EYS: variants seen among roughly 807,000 people sequenced by gnomAD.
EYS encodes protein eyes shut homolog.
Under a neutral mutation model 282.1 loss-of-function variants are expected in EYS, and 250 were observed. The ratio of observed to expected loss-of-function variants is 0.89; its 90% CI spans 0.80 to 0.98. The LOEUF (loss-of-function observed/expected upper bound fraction) is 0.98. EYS is among the 50% of genes least tolerant of loss of function. EYS has a pLI of 0.00. For missense variants in EYS, 4,016 were observed against 3,709.0 expected, an observed-to-expected ratio of 1.08 and a Z score of -2.15; for synonymous variants, 1,355 against 1,282.9, an observed-to-expected ratio of 1.06 and a Z score of -1.20.
intron 10 of EYS, among the ~76,000 whole-genome samples, chr6:65,335,484 G>T (rs1769953592): frequency 6.6e-6 from 1 of 151,712 alleles, no homozygotes; most frequent in Non-Finnish European, 1.5e-5. Flanking sequence ...TTTCTGATAA[G>T]CAATTGTAGG....
intron 31 of EYS, among the ~76,000 whole-genome samples, chr6:64,230,269 T>A (rs1173868895): frequency 6.6e-6 from 1 of 152,180 alleles, no homozygotes; most frequent in Non-Finnish European, 1.5e-5. Flanking sequence ...AACCTAATTG[T>A]CTCTGTGGAA....
intron 31 of EYS, among the ~76,000 whole-genome samples, chr6:64,167,528 T>G (rs1182615877): frequency 6.6e-6 from 1 of 152,116 alleles, no homozygotes; most frequent in Non-Finnish European, 1.5e-5. Flanking sequence ...GTCCCAAAGT[T>G]CTCAGACTAT....
intron 31 of EYS, among the ~76,000 whole-genome samples, chr6:64,223,549 A>G (rs1378275192): frequency 6.6e-6 from 1 of 152,008 alleles, no homozygotes; most frequent in Non-Finnish European, 1.5e-5. Flanking sequence ...CATTTTCTGT[A>G]TGGACCTTGT....
At chr6:64,562,212 A>G (rs1205953688) in intron 26 of EYS, among the ~76,000 whole-genome samples, 1 of 151,654 alleles carries the variant, frequency 6.6e-6, no homozygotes, top group Admixed American at 6.6e-5. Context: ...CACTTTTGAC[A>G]TTTATCATTA....
intron 5 of EYS, among the ~76,000 whole-genome samples, chr6:65,412,108 T>C (rs899656124): frequency 8.5e-5 from 13 of 152,070 alleles, no homozygotes; most frequent in Non-Finnish European, 1.5e-4. Context: ...CTCTCTCAGC[T>C]CTTTACCATG....
At chr6:65,457,202 G>C (rs1764656018) in intron 5 of EYS, among the ~76,000 whole-genome samples, 1 of 152,088 alleles carries the variant, frequency 6.6e-6, no homozygotes, top group African/African-American at 2.4e-5. Flanking sequence ...GTCTCCCTCT[G>C]TCACATCGGC....
At chr6:64,393,895 C>G (rs1483445387) in intron 28 of EYS, among the ~76,000 whole-genome samples, 2 of 151,768 alleles carry the variant, frequency 1.3e-5, no homozygotes, top group Non-Finnish European at 2.9e-5. Context: ...ATTGTCTCAG[C>G]CCAAAATCTC....
intron 1 of EYS, among the ~76,000 whole-genome samples, chr6:65,656,771 A>G (rs1325664779): frequency 1.3e-5 from 2 of 151,898 alleles, no homozygotes; most frequent in Non-Finnish European, 2.9e-5. Context: ...AGCTAAGATA[A>G]TTGATGAAGA....
chr6:64,457,203 T>C (rs567990837), intron 26 of EYS, among the ~76,000 whole-genome samples: 1 of 152,152 alleles, frequency 6.6e-6, no homozygotes, highest in African/African-American at 2.4e-5. Context: ...TGATTTCACA[T>C]TTTATACCAC....
chr6:63,839,761 G>A (rs1029871315), intron 36 of EYS, among the ~76,000 whole-genome samples: 3 of 152,126 alleles, frequency 2.0e-5, no homozygotes, highest in Non-Finnish European at 4.4e-5. Flanking sequence ...TGAATCACAT[G>A]GCAGTTCTAT....
At chr6:64,963,727 T>G (rs968257339) in intron 14 of EYS, among the ~76,000 whole-genome samples, 1 of 152,316 alleles carries the variant, frequency 6.6e-6, no homozygotes, top group East Asian at 1.9e-4. Flanking sequence ...TTCAAACAGA[T>G]TTTAGTCAAT....
chr6:64,884,439 T>C (rs1480980899), intron 19 of EYS, among the ~76,000 whole-genome samples: 1 of 151,556 alleles, frequency 6.6e-6, no homozygotes, highest in Non-Finnish European at 1.5e-5. Context: ...TACAAAAGTA[T>C]AACATCCTTG....
Position 64,583,252 on chromosome 6 carries a change from T to C in EYS, c.5644+6971A>G, listed in dbSNP as rs528393770. ...TTTCCTTATTTGTTGGTTTATAAAATGTAAATATAGGAATGAGGAGTTTGA... is the reference window on the plus strand; with the variant it reads ...TTTCCTTATTTGTTGGTTTATAAAACGTAAATATAGGAATGAGGAGTTTGA... On this transcript the variant is annotated intron_variant, in intron 26 of 42. Coordinates refer to ENST00000503581, the MANE Select transcript of EYS (RefSeq NM_001142800.2). Among the ~76,000 whole-genome samples the C allele has an allele frequency of 2.0e-5, 3 of 152,128 alleles. No homozygotes were observed. In the East Asian group the frequency reaches 5.8e-4, roughly 30 times the overall value.
intron 31 of EYS, among the ~76,000 whole-genome samples, chr6:64,137,519 T>C (rs1483555029): frequency 2.0e-5 from 3 of 152,286 alleles, no homozygotes; most frequent in African/African-American, 7.2e-5. Context: ...ACTCTTCCTT[T>C]TACTTGAACA....
At chr6:64,464,455 GA>G (rs1775853231) in intron 26 of EYS, among the ~76,000 whole-genome samples, 1 of 151,614 alleles carries the variant, frequency 6.6e-6, no homozygotes. Flanking sequence ...AATTAGCAAA[GA>G]AAAAAAGATA....
chr6:63,885,014 T>C (rs769845606), intron 35 of EYS, among the ~76,000 whole-genome samples: 1 of 152,210 alleles, frequency 6.6e-6, no homozygotes. Context: ...TTGCTTGTTC[T>C]TTCCATTTGC....
At chr6:64,948,370 G>T (rs1769365047) in intron 14 of EYS, among the ~76,000 whole-genome samples, 1 of 150,126 alleles carries the variant, frequency 6.7e-6, no homozygotes, top group South Asian at 2.1e-4. Flanking sequence ...ATTGATTCCA[G>T]TAATTTAAAA....
At chr6:64,726,777 T>C (rs1048172246) in intron 22 of EYS, among the ~76,000 whole-genome samples, 4 of 152,176 alleles carry the variant, frequency 2.6e-5, no homozygotes, top group African/African-American at 9.6e-5. Context: ...AAAGCAGATA[T>C]AATATTTAAA....
intron 31 of EYS, among the ~76,000 whole-genome samples, chr6:64,166,806 G>T (rs149827495): frequency 1.3e-5 from 2 of 152,314 alleles, no homozygotes; most frequent in African/African-American, 4.8e-5. Context: ...CAGTTTACCT[G>T]CTTCTCTGTA....
Sources: gnomAD v4.1 joint callset for allele counts (sites outside exome capture counted in the v4.1 genomes callset) on GRCh38, gnomAD v4.1.1 for gene constraint, MANE v1.5 for transcripts, NCBI Gene and HGNC (gene_info 2026-07-23, HGNC 2026-07-21) for gene names.